Variants in CDYL2 observed in about 807,000 individuals in gnomAD.
CDYL2 encodes the protein chromodomain Y-like protein 2.
Under a neutral mutation model 49.4 loss-of-function variants are expected in CDYL2, and 23 were observed. The ratio of observed to expected loss-of-function variants is 0.47; its 90% CI spans 0.34 to 0.66. The LOEUF is 0.66. Among genes scored for constraint, CDYL2 ranks in the 30% least tolerant of loss-of-function variants. The pLI is 0.01. For synonymous variants in CDYL2, 360 were observed against 268.8 expected (o/e 1.34, Z -3.32); for missense variants, 678 against 656.4 (o/e 1.03, Z -0.36).
chr16:80,712,023 ATAT>A (rs1567580902), intron 1 of CDYL2, among the ~76,000 whole-genome samples: 1 of 150,732 alleles, frequency 6.6e-6, no homozygotes, highest in Non-Finnish European at 1.5e-5. Context: ...GTGTGTATAT[ATAT>A]GTGTGTATAT....
At chr16:80,609,872 C>T (rs886861761) in intron 5 of CDYL2, among the ~76,000 whole-genome samples, 3 of 152,006 alleles carry the variant, frequency 2.0e-5, no homozygotes, top group Admixed American at 6.5e-5. Context: ...AAACAACCCA[C>T]TCTAGAGCTA....
intron 2 of CDYL2, among the ~76,000 whole-genome samples, chr16:80,682,452 C>T (rs910494582): frequency 6.6e-6 from 1 of 152,160 alleles, no homozygotes; most frequent in African/African-American, 2.4e-5. Flanking sequence ...TCAGCAAAGC[C>T]GAAGGGTGAA....
At chr16:80,783,161 T>G (rs57651431) in intron 1 of CDYL2, among the ~76,000 whole-genome samples, 4 of 151,978 alleles carry the variant, frequency 2.6e-5, no homozygotes, top group Non-Finnish European at 5.9e-5. Flanking sequence ...AACTCAACAA[T>G]TCAACAACAA....
intron 2 of CDYL2, among the ~76,000 whole-genome samples, chr16:80,643,485 G>A (rs1430782728): frequency 1.3e-5 from 2 of 152,254 alleles, no homozygotes; most frequent in Non-Finnish European, 2.9e-5. Flanking sequence ...GGGACTCTGT[G>A]TGGGGGCGGT....
intron 2 of CDYL2, among the ~76,000 whole-genome samples, chr16:80,649,913 T>C (rs971884940): frequency 1.3e-5 from 2 of 149,176 alleles, no homozygotes; most frequent in African/African-American, 5.2e-5. Context: ...AATATCCATA[T>C]TCAGAAGAAT....
chr16:80,753,434 C>G (rs747707870), intron 1 of CDYL2, among the ~76,000 whole-genome samples: 2 of 151,996 alleles, frequency 1.3e-5, no homozygotes, highest in Non-Finnish European at 2.9e-5. Flanking sequence ...CATGGAGAAA[C>G]CCCATCTCTA....
At chr16:80,643,622 C>T (rs959056288) in intron 2 of CDYL2, among the ~76,000 whole-genome samples, 1 of 152,250 alleles carries the variant, frequency 6.6e-6, no homozygotes. Flanking sequence ...AGGTTCTAAA[C>T]TCCAGTTCTT....
chr16:80,769,782 T>A (rs1906846822), intron 1 of CDYL2, among the ~76,000 whole-genome samples: 1 of 152,176 alleles, frequency 6.6e-6, no homozygotes, highest in Admixed American at 6.5e-5. Flanking sequence ...TTTGCATAGG[T>A]GAAATTAAAG....
chr16:80,619,962 G>C (rs1167100316), intron 4 of CDYL2, among the ~76,000 whole-genome samples: 1 of 152,114 alleles, frequency 6.6e-6, no homozygotes, highest in Non-Finnish European at 1.5e-5. Context: ...CCTGACTTGT[G>C]GCCTGAGGCT....
chr16:80,743,932 G>C (rs1235849306), intron 1 of CDYL2, among the ~76,000 whole-genome samples: 2 of 152,022 alleles, frequency 1.3e-5, no homozygotes, highest in Non-Finnish European at 2.9e-5. Context: ...GTGGTGGTGG[G>C]ACTGTACTAT....
chr16:80,785,745 G>C (rs150979533), intron 1 of CDYL2, among the ~76,000 whole-genome samples: 1 of 152,114 alleles, frequency 6.6e-6, no homozygotes, highest in Admixed American at 6.5e-5. Flanking sequence ...AAACAGCATA[G>C]TACTGGTACC....
chr16:80,619,652 G>A (rs1287139384), intron 4 of CDYL2, among the ~76,000 whole-genome samples: 2 of 152,146 alleles, frequency 1.3e-5, no homozygotes, highest in Non-Finnish European at 2.9e-5. Context: ...AAACTGTGTG[G>A]GCACAGCCAG....
At chr16:80,640,735 A>AT (rs556005265) in intron 2 of CDYL2, among the ~76,000 whole-genome samples, 212 of 152,250 alleles carry the variant, frequency 1.4e-3, no homozygotes, top group Non-Finnish European at 2.3e-3. Flanking sequence ...GATTAGATAA[A>AT]TTTAACACGG....
intron 2 of CDYL2, among the ~76,000 whole-genome samples, chr16:80,662,089 T>G (rs373119404): frequency 1.3e-5 from 2 of 152,222 alleles, no homozygotes. Flanking sequence ...GTGTCAAACA[T>G]GCTTGCAAAG....
chr16:80,641,233 A>G (rs1908071577), intron 2 of CDYL2, among the ~76,000 whole-genome samples: 2 of 152,194 alleles, frequency 1.3e-5, no homozygotes, highest in African/African-American at 2.4e-5. Context: ...ATAGCACACA[A>G]TGTAGGAGCT....
At chr16:80,692,878 C>T (rs1910471993) in intron 1 of CDYL2, among the ~76,000 whole-genome samples, 1 of 152,108 alleles carries the variant, frequency 6.6e-6, no homozygotes, top group African/African-American at 2.4e-5. Flanking sequence ...ATGACACGAT[C>T]AATGATCAGA....
intron 2 of CDYL2, among the ~76,000 whole-genome samples, chr16:80,669,055 C>T (rs1909389885): frequency 6.6e-6 from 1 of 151,774 alleles, no homozygotes; most frequent in Admixed American, 6.6e-5. Flanking sequence ...AAAAGAAGAA[C>T]ATTTTAGGGA....
intron 2 of CDYL2, chr16:80,670,901 G>C (rs769096747): frequency 2.2e-6 from 1 of 455,906 alleles, no homozygotes; most frequent in Non-Finnish European, 4.4e-6. Context: ...AAGATAAAAG[G>C]GGCTCTATAC....
In CDYL2 at chr16:80,646,855, G is replaced by A. The variant is rs373304221; in HGVS notation, c.617-13619C>T. Among the ~76,000 whole-genome samples, 266 of 150,762 alleles carry A rather than the reference G, an allele frequency of 1.8e-3. 9 individuals are homozygous for A. In the South Asian group the frequency reaches 0.053, roughly 30 times the overall value. ...AACAAGACCCAATGATCTGCTGCCT[G>A]TAAGAAACACACTTCGCCTTTAAAG... On this transcript the variant is annotated intron_variant, in intron 2 of 6. Transcript: ENST00000570137.
Sources: allele counts gnomAD v4.1 joint callset (sites outside exome capture counted in the v4.1 genomes callset), GRCh38; gene constraint gnomAD v4.1.1; transcripts MANE v1.5; gene names NCBI Gene and HGNC (gene_info 2026-07-23, HGNC 2026-07-21).